ZNF765: variants seen among roughly 807,000 people sequenced by gnomAD.
The protein encoded by ZNF765 is zinc finger protein 765.
ZNF765 carries 37 observed loss-of-function variants against 44.7 expected under a neutral mutation model. That is an observed-to-expected ratio of 0.83 (90% CI 0.64 to 1.09). The LOEUF (loss-of-function observed/expected upper bound fraction) is 1.09. Among genes scored for constraint, ZNF765 ranks in the 50% least tolerant of loss-of-function variants. ZNF765 has a pLI of 0.00. For missense variants in ZNF765, 594 were observed against 626.1 expected, an observed-to-expected ratio of 0.95 and a Z score of 0.55; for synonymous variants, 201 against 213.7, an observed-to-expected ratio of 0.94 and a Z score of 0.52.
At chr19:53,415,176 A>G (rs1390247203), downstream of ZNF765, among the ~76,000 whole-genome samples, 2 of 152,086 alleles carry the variant, frequency 1.3e-5, no homozygotes, top group Non-Finnish European at 2.9e-5. Context: ...AGGCTGAGGC[A>G]GGAGAATCAC....
rs1474823186 is a variant in ZNF765, at chr19:53,408,286, A to T, written c.731A>T (p.Lys244Ile). The stretch of plus-strand genomic sequence containing the variant: ...ATCCATTTAGGAGAGAAACAATATA[A>T]ATGCGATATATGTGGCAAGGTCTTT... ...QLIHLGEKQY[K>I]CDICGKVFNS... Residue 244 changes from lysine (K) to isoleucine (I), a missense_variant, in exon 4 of 4, where the codon AAA (lysine) becomes ATA (isoleucine). Physicochemically the swap from Lys to Ile is moderately radical, Grantham distance 102 (BLOSUM62 -3). Around this residue, in one of 2 missense-constraint regions of ZNF765, gnomAD observed 567 missense variants for 572.6 expected, o/e 0.99. Coordinates refer to ENST00000396408, the MANE Select transcript of ZNF765 (RefSeq NM_001040185.3). 1 of 1,614,216 alleles carries T rather than the reference A, an allele frequency of 6.2e-7. No homozygotes were observed.
chr19:53,402,031 A>G (rs764985427), intron 2 of ZNF765, 34 bp from the exon 3 acceptor site: 8 of 1,613,956 alleles, frequency 5.0e-6, no homozygotes, highest in Admixed American at 3.3e-5. Context: ...AACTCCTCCC[A>G]TAACCATTTG....
intron 3 of ZNF765, among the ~76,000 whole-genome samples, chr19:53,407,129 G>T (rs1347471313): frequency 6.6e-6 from 1 of 152,090 alleles, no homozygotes; most frequent in African/African-American, 2.4e-5. Flanking sequence ...CTTGTGCCTC[G>T]TGAGTCCCAT....
At chr19:53,419,845 C>G (rs973958756) in intron 3 of ZNF765, among the ~76,000 whole-genome samples, 4 of 151,206 alleles carry the variant, frequency 2.6e-5, no homozygotes, top group Admixed American at 6.6e-5. Flanking sequence ...TGGCGAAACC[C>G]CATCTCCACT....
At chr19:53,414,534 T>G, downstream of ZNF765, among the ~76,000 whole-genome samples, 1 of 113,094 alleles carries the variant, frequency 8.8e-6, no homozygotes, top group Non-Finnish European at 1.8e-5. Context: ...ATAAAGCAGT[T>G]CCCATTTCCC....
chr19:53,408,900 T>A lies in ZNF765; in HGVS notation c.1345T>A (p.Phe449Ile), dbSNP rs758073337. 2 of 1,611,658 alleles carry A rather than the reference T, an allele frequency of 1.2e-6. No homozygotes were observed. Among genetic ancestry groups the A allele is most frequent in the Admixed American group, 3.3e-5 (2 of 59,774 alleles). Reference protein sequence around the residue: ...KCEECDKAYSFKSNLEIHQKI... With the variant: ...KCEECDKAYSIKSNLEIHQKI... ...TGAAGAATGTGACAAAGCCTACAGT[T>A]TCAAATCAAACCTTGAAATACATCA... is the stretch of plus-strand genomic sequence containing the variant. The change falls in exon 4 of 4, where the codon TTC (phenylalanine) becomes ATC (isoleucine). Residue 449 changes from phenylalanine to isoleucine, a missense_variant. Transcript: ENST00000396408.
chr19:53,403,638 G>A (rs1327586671), intron 3 of ZNF765, among the ~76,000 whole-genome samples: 1 of 152,218 alleles, frequency 6.6e-6, no homozygotes, highest in African/African-American at 2.4e-5. Context: ...GAGGTCAGGA[G>A]TTCAAAACCA....
chr19:53,402,945 G>C (rs1447796171), intron 3 of ZNF765, among the ~76,000 whole-genome samples: 1 of 152,086 alleles, frequency 6.6e-6, no homozygotes, highest in Non-Finnish European at 1.5e-5. Context: ...GGGAGGCTGA[G>C]GTGGGTGGAT....
chr19:53,400,541 G>T (rs1444117322), intron 2 of ZNF765, among the ~76,000 whole-genome samples: 1 of 151,868 alleles, frequency 6.6e-6, no homozygotes, highest in Admixed American at 6.6e-5. Context: ...TTCCTCTTCA[G>T]TTCAACAAAA....
downstream of ZNF765, among the ~76,000 whole-genome samples, chr19:53,414,299 A>G (rs1340123083): frequency 1.3e-5 from 2 of 149,286 alleles, no homozygotes; most frequent in African/African-American, 4.9e-5. Context: ...CCTTTGCCAC[A>G]GGGGAGAACC....
At chr19:53,401,588 C>A (rs1406097975) in intron 2 of ZNF765, among the ~76,000 whole-genome samples, 1 of 129,876 alleles carries the variant, frequency 7.7e-6, no homozygotes, top group African/African-American at 2.9e-5. Context: ...AAAAAAAAAA[C>A]GTTTCTGGGC....
intron 3 of ZNF765, among the ~76,000 whole-genome samples, chr19:53,406,157 T>C (rs1018301881): frequency 1.3e-5 from 2 of 150,648 alleles, no homozygotes; most frequent in African/African-American, 4.9e-5. Context: ...GCCTTCCAAG[T>C]AGCTGAGATT....
At chr19:53,400,224 A>G (rs1049839376) in intron 2 of ZNF765, among the ~76,000 whole-genome samples, 2 of 152,152 alleles carry the variant, frequency 1.3e-5, no homozygotes, top group Non-Finnish European at 2.9e-5. Flanking sequence ...TCGATATTTG[A>G]TCCTGCTGGT....
downstream of ZNF765, among the ~76,000 whole-genome samples, chr19:53,414,277 T>G (rs2085856636): frequency 2.1e-5 from 3 of 139,582 alleles, no homozygotes; most frequent in South Asian, 2.3e-4. Context: ...AAACATGGTA[T>G]GATATAAAAA....
chr19:53,420,969 GA>G (rs2085903315), intron 3 of ZNF765, among the ~76,000 whole-genome samples: 1 of 152,124 alleles, frequency 6.6e-6, no homozygotes, highest in Non-Finnish European at 1.5e-5. Flanking sequence ...GAGGATTAGT[GA>G]AAGAGGAAGG....
chr19:53,400,622 TATACATATAC>T (rs2085714775), intron 2 of ZNF765, among the ~76,000 whole-genome samples: 1 of 151,956 alleles, frequency 6.6e-6, no homozygotes, highest in Admixed American at 6.6e-5. Context: ...CACATACACA[TATACATATAC>T]ATACATATAC....
chr19:53,408,472 A>G lies in ZNF765; in HGVS notation c.917A>G (p.Lys306Arg), dbSNP rs756354422. ...CCTTACAAATGTGAAGAATGTGACAAAGCTTTCCATTTCAAATCAAAGCTT... is the reference window on the plus strand; with the variant it reads ...CCTTACAAATGTGAAGAATGTGACAGAGCTTTCCATTTCAAATCAAAGCTT... ...EKPYKCEECDKAFHFKSKLQI... is the reference protein window; with the variant it reads ...EKPYKCEECDRAFHFKSKLQI... Residue 306 changes from lysine (K) to arginine (R), a missense_variant, in exon 4 of 4, where the codon AAA becomes AGA. By Grantham distance (26) the Lys-to-Arg change is conservative. This residue lies in a region of ZNF765 where 567 missense variants were observed against 572.6 expected (regional missense o/e 0.99). Coordinates refer to ENST00000396408, the MANE Select transcript of ZNF765 (RefSeq NM_001040185.3). 2.5e-6 allele frequency: 4 copies of G among 1,613,888 alleles called. No homozygotes were observed. The highest frequency in any genetic ancestry group is 2.2e-5 in the East Asian group (1 of 44,874).
At chr19:53,418,115 C>T (rs896245085) in intron 3 of ZNF765, among the ~76,000 whole-genome samples, 4 of 152,148 alleles carry the variant, frequency 2.6e-5, no homozygotes, top group African/African-American at 4.8e-5. Flanking sequence ...AATATAATAG[C>T]GTCCTGGCTG....
In ZNF765 at chr19:53,408,113, C is replaced by T; in HGVS notation, c.558C>T (p.Thr186=). The change falls in exon 4 of 4, where the codon ACC becomes ACT. Residue 186 remains threonine, a synonymous_variant. Transcript: ENST00000396408. The part of the protein sequence containing the change: ...TAQRISCRPE[T]HISNDYGNNF... ...AAAGAATTTCTTGTAGGCCTGAAAC[C>T]CATATTTCTAATGACTATGGGAATA... 1.9e-6 allele frequency: 3 copies of T among 1,614,002 alleles called. No homozygotes were observed. The highest frequency in any genetic ancestry group is 2.2e-5 in the South Asian group (2 of 91,078).
Sources: gnomAD v4.1 joint callset for allele counts (sites outside exome capture counted in the v4.1 genomes callset) on GRCh38, gnomAD v4.1.1 for gene constraint, gnomAD v4.1.1 regional missense constraint, MANE v1.5 for transcripts, NCBI Gene and HGNC (gene_info 2026-07-23, HGNC 2026-07-21) for gene names.